Variants in ACVR1C observed in about 807,000 individuals in gnomAD.
The protein encoded by ACVR1C is activin A receptor type 1C.
Under a neutral mutation model 57.9 loss-of-function variants are expected in ACVR1C, and 23 were observed. That is an observed-to-expected ratio of 0.40 (90% confidence interval 0.29 to 0.56). The LOEUF (loss-of-function observed/expected upper bound fraction) is 0.56, where lower values mean the gene tolerates loss of function less well. ACVR1C is among the 20% of genes least tolerant of loss of function. The pLI, the probability that ACVR1C is intolerant of heterozygous loss-of-function variation, is 0.50. For missense variants in ACVR1C, 480 were observed against 607.9 expected, an observed-to-expected ratio of 0.79 and a Z score of 2.21; for synonymous variants, 214 against 215.3, an observed-to-expected ratio of 0.99 and a Z score of 0.05.
intron 1 of ACVR1C, among the ~76,000 whole-genome samples, chr2:157,623,820 C>T (rs553938606): frequency 6.6e-6 from 1 of 152,178 alleles, no homozygotes; most frequent in South Asian, 2.1e-4. Context: ...GCTTATTTCA[C>T]ACTGCATGCC....
intron 2 of ACVR1C, among the ~76,000 whole-genome samples, chr2:157,558,693 T>G (rs1184369223): frequency 6.6e-6 from 1 of 152,222 alleles, no homozygotes; most frequent in African/African-American, 2.4e-5. Context: ...CAGGTGCATA[T>G]GAGGAGAAAT....
intron 1 of ACVR1C, among the ~76,000 whole-genome samples, chr2:157,607,021 T>A (rs1682415508): frequency 6.6e-6 from 1 of 151,926 alleles, no homozygotes; most frequent in African/African-American, 2.4e-5. Flanking sequence ...GTTTCATTCT[T>A]CTGCATATAA....
intron 1 of ACVR1C, among the ~76,000 whole-genome samples, chr2:157,600,103 C>A (rs1363302404): frequency 6.6e-6 from 1 of 152,148 alleles, no homozygotes; most frequent in Non-Finnish European, 1.5e-5. Flanking sequence ...ACCCAGAAAA[C>A]CAAGTTGTTG....
chr2:157,586,630 G>A (rs1305968494), intron 2 of ACVR1C, among the ~76,000 whole-genome samples: 5 of 152,038 alleles, frequency 3.3e-5, no homozygotes, highest in East Asian at 1.9e-4. Flanking sequence ...ATAATATGAC[G>A]AAAGGCAGAA....
intron 1 of ACVR1C, among the ~76,000 whole-genome samples, chr2:157,619,045 C>T (rs1682710618): frequency 6.6e-6 from 1 of 151,794 alleles, no homozygotes; most frequent in Admixed American, 6.6e-5. Flanking sequence ...TGTCTAGCAA[C>T]TTGACCTAAA....
chr2:157,625,870 CATGGTGAAT>C (rs1355206310), intron 1 of ACVR1C, among the ~76,000 whole-genome samples: 1 of 152,128 alleles, frequency 6.6e-6, no homozygotes, highest in Non-Finnish European at 1.5e-5. Context: ...TTTGGGTACA[CATGGTGAAT>C]ATTGTGAAGC....
At chr2:157,598,330 TTTG>T (rs1320724334) in intron 1 of ACVR1C, among the ~76,000 whole-genome samples, 1 of 151,588 alleles carries the variant, frequency 6.6e-6, no homozygotes, top group Non-Finnish European at 1.5e-5. Context: ...ACAATTATGA[TTTG>T]TTAATTAAAA....
At chr2:157,561,251 G>A (rs551814786) in intron 2 of ACVR1C, among the ~76,000 whole-genome samples, 5 of 152,262 alleles carry the variant, frequency 3.3e-5, no homozygotes, top group East Asian at 3.9e-4. Flanking sequence ...ATTTCATGGA[G>A]GTATAACTAT....
intron 1 of ACVR1C, among the ~76,000 whole-genome samples, chr2:157,608,825 C>T (rs1356904142): frequency 2.0e-5 from 3 of 151,790 alleles, no homozygotes; most frequent in Non-Finnish European, 4.4e-5. Context: ...TATAGTATCT[C>T]CTTGTTCACT....
rs1224635259 is a variant in ACVR1C at position 157,531,391 on chromosome 2, C to A, written c.*2527G>T. The A allele has an allele frequency of 6.6e-6, 1 of 151,844 alleles. No homozygotes were observed. The highest frequency in any genetic ancestry group is 1.5e-5 in the Non-Finnish European group (1 of 67,906). The allele number at this position is 151,844 out of a possible 1,614,324, so 9.4% of individuals were successfully genotyped here. On this transcript the variant is annotated 3_prime_UTR_variant, in exon 9 of 9. Coordinates refer to ENST00000243349, the MANE Select transcript of ACVR1C (RefSeq NM_145259.3). ...AAACAACACAAGAACAAGAAAAATA[C>A]CTCAAAATGTACTAACATACGGATT...
chr2:157,581,786 T>G (rs1481700537), intron 2 of ACVR1C, among the ~76,000 whole-genome samples: 1 of 152,232 alleles, frequency 6.6e-6, no homozygotes, highest in Admixed American at 6.5e-5. Context: ...TTTCTTCTAC[T>G]GTGTAGTACA....
intron 3 of ACVR1C, among the ~76,000 whole-genome samples, chr2:157,552,445 G>T (rs1687945675): frequency 6.6e-6 from 1 of 152,044 alleles, no homozygotes; most frequent in South Asian, 2.1e-4. Context: ...GACTGTTTTT[G>T]CAGGCAACAA....
chr2:157,542,875 G>A lies in ACVR1C; in HGVS notation c.944-13C>T, dbSNP rs761882500. ...ATAGCAGGTTTACCTATGAAGCAAA[G>A]AAGAACATATTCATTTTTTTCTTTA... is the stretch of plus-strand genomic sequence containing the variant. On this transcript the variant is annotated splice_polypyrimidine_tract_variant and intron_variant, in intron 5 of 8. Coordinates refer to ENST00000243349, the MANE Select transcript of ACVR1C (RefSeq NM_145259.3). 24 of 1,612,058 alleles carry A rather than the reference G, an allele frequency of 1.5e-5. No individual in the cohort carries two copies. In the South Asian group the frequency reaches 2.1e-4, roughly 14 times the overall value.
intron 3 of ACVR1C, among the ~76,000 whole-genome samples, chr2:157,554,821 A>T (rs1394478281): frequency 6.6e-6 from 1 of 152,036 alleles, no homozygotes; most frequent in African/African-American, 2.4e-5. Context: ...CTTCCAAAAC[A>T]AGAAGAGATG....
intron 1 of ACVR1C, among the ~76,000 whole-genome samples, chr2:157,624,598 T>G (rs552204372): frequency 6.6e-6 from 1 of 152,188 alleles, no homozygotes; most frequent in Non-Finnish European, 1.5e-5. Context: ...TAGATACTCA[T>G]GTAGGATTGG....
intron 2 of ACVR1C, among the ~76,000 whole-genome samples, chr2:157,580,768 A>G (rs1688771861): frequency 6.6e-6 from 1 of 152,212 alleles, no homozygotes; most frequent in Non-Finnish European, 1.5e-5. Context: ...ACCACACTGT[A>G]TCACGAGGCT....
chr2:157,561,364 C>A (rs760342822), intron 2 of ACVR1C, among the ~76,000 whole-genome samples: 2 of 152,154 alleles, frequency 1.3e-5, no homozygotes, highest in African/African-American at 2.4e-5. Flanking sequence ...GGTAACACAC[C>A]AACCAAAAGG....
intron 3 of ACVR1C, among the ~76,000 whole-genome samples, chr2:157,554,201 G>GAGAAAGAAAGA (rs1687997904): frequency 2.4e-5 from 1 of 41,440 alleles, no homozygotes; most frequent in South Asian, 1.1e-3. Flanking sequence ...ATAAAGAAGA[G>GAGAAAGAAAGA]AGAAAGAAAG....
intron 1 of ACVR1C, among the ~76,000 whole-genome samples, chr2:157,604,889 T>C (rs1216229113): frequency 1.3e-5 from 2 of 151,914 alleles, no homozygotes; most frequent in African/African-American, 2.4e-5. Context: ...AACAGAAGTT[T>C]GTAATTTTGA....
Sources: gnomAD v4.1 joint callset for allele counts (sites outside exome capture counted in the v4.1 genomes callset) on GRCh38, gnomAD v4.1.1 for gene constraint, MANE v1.5 for transcripts, NCBI Gene and HGNC (gene_info 2026-07-23, HGNC 2026-07-21) for gene names.